The following NPL variants were observed in gnomAD, a reference collection of about 807,000 sequenced individuals.
The protein encoded by NPL is N-acetylneuraminate pyruvate lyase, also known as N-acetylneuraminate lyase.
Under a neutral mutation model 41.1 loss-of-function variants are expected in NPL, and 32 were observed. That is an observed-to-expected ratio of 0.78 (90% CI 0.59 to 1.05). The LOEUF is 1.05. Among genes scored for constraint, NPL ranks in the 50% least tolerant of loss-of-function variants. The probability of loss-of-function intolerance (pLI) is 0.00; values close to 1 mark genes in which losing one functional copy is unlikely to be tolerated. For synonymous variants in NPL, 128 were observed against 134.9 expected (o/e 0.95, Z 0.35); for missense variants, 321 against 378.4 (o/e 0.85, Z 1.26).
intron 7 of NPL, among the ~76,000 whole-genome samples, chr1:182,815,209 T>C (rs545897171): frequency 2.0e-5 from 3 of 151,946 alleles, no homozygotes; most frequent in African/African-American, 7.3e-5. Flanking sequence ...AGAATATAAG[T>C]GATGGGCATT....
intron 3 of NPL, among the ~76,000 whole-genome samples, chr1:182,795,490 G>T (rs891177386): frequency 1.3e-5 from 2 of 152,132 alleles, no homozygotes; most frequent in African/African-American, 4.8e-5. Context: ...ATTTATAAAC[G>T]TTCATCTTAC....
intron 3 of NPL, among the ~76,000 whole-genome samples, chr1:182,797,821 G>A (rs890701743): frequency 6.6e-6 from 1 of 152,170 alleles, no homozygotes; most frequent in Non-Finnish European, 1.5e-5. Flanking sequence ...CAGGCTTTGA[G>A]CTGCTTAGCC....
chr1:182,811,527 CCTATAATTGATTT>C (rs1265136447), intron 5 of NPL, among the ~76,000 whole-genome samples: 1 of 152,126 alleles, frequency 6.6e-6, no homozygotes, highest in Non-Finnish European at 1.5e-5. Context: ...CTGCACCTAA[CCTATAATTGATTT>C]TTAAATTTTG....
intron 11 of NPL, among the ~76,000 whole-genome samples, chr1:182,824,995 G>T (rs1250281483): frequency 6.6e-6 from 1 of 152,172 alleles, no homozygotes; most frequent in Non-Finnish European, 1.5e-5. Context: ...AAGGAATTTT[G>T]TTATAGCAGT....
chr1:182,794,394 T>A lies in NPL; in HGVS notation c.23T>A (p.Leu8His). 6.2e-7 allele frequency: 1 copy of A among 1,614,208 alleles called. No individual in the cohort carries two copies. Among genetic ancestry groups the A allele is most frequent in the South Asian group, 1.1e-5 (1 of 91,088 alleles). Reference sequence around the variant, plus strand: ...TCAATGGCCTTCCCAAAGAAGAAACTTCAGGGTCTTGTGGCTGCAACCATC... The same window carrying A: ...TCAATGGCCTTCCCAAAGAAGAAACATCAGGGTCTTGTGGCTGCAACCATC... MAFPKKK[L>H]QGLVAATITP... Residue 8 changes from leucine (L) to histidine (H), a missense_variant, in exon 3 of 13, where the codon CTT becomes CAT. By Grantham distance (99) the Leu-to-His change is moderately conservative. Coordinates refer to ENST00000367553, the MANE Select transcript of NPL (RefSeq NM_030769.3).
intron 4 of NPL, among the ~76,000 whole-genome samples, chr1:182,805,387 C>T (rs549273040): frequency 1.3e-5 from 2 of 152,194 alleles, no homozygotes; most frequent in African/African-American, 2.4e-5. Flanking sequence ...GCCAAGATGG[C>T]GCCACTGCCC....
chr1:182,803,318 A>G (rs1241817759), intron 3 of NPL, among the ~76,000 whole-genome samples: 3 of 152,354 alleles, frequency 2.0e-5, no homozygotes, highest in African/African-American at 7.2e-5. Context: ...TCATTTAACC[A>G]TGTCTGCAAC....
Position 182,808,442 on chromosome 1 carries a change from A to G in NPL, c.230+2210A>G, listed in dbSNP as rs184862751. Among the ~76,000 whole-genome samples, 202 of 152,314 alleles carry G rather than the reference A, an allele frequency of 1.3e-3. 1 individual carries two copies. Among genetic ancestry groups the G allele is most frequent in the Non-Finnish European group, 3.7e-4 (25 of 68,014 alleles). Reference sequence around the variant, plus strand: ...AGAGAAGCCAGACTGCAGTTGAGTTATAGAATGCAGCAGACATCTGCAAGT... The same window carrying G: ...AGAGAAGCCAGACTGCAGTTGAGTTGTAGAATGCAGCAGACATCTGCAAGT... On this transcript the variant is annotated intron_variant, in intron 5 of 12. Coordinates refer to ENST00000367553, the MANE Select transcript of NPL (RefSeq NM_030769.3).
intron 3 of NPL, among the ~76,000 whole-genome samples, chr1:182,796,166 C>CAAAAAAAAAA (rs11419574): frequency 1.9e-5 from 2 of 103,228 alleles, no homozygotes; most frequent in African/African-American, 7.2e-5. Flanking sequence ...GGTGTGAAAT[C>CAAAAAAAAAA]AAAAAAAAAA....
rs191891141 is a variant in NPL, at chr1:182,807,000, G to A, written c.230+768G>A. Among the ~76,000 whole-genome samples the A allele has an allele frequency of 1.0e-3, 152 of 152,094 alleles. 1 individual carries two copies. Among genetic ancestry groups the A allele is most frequent in the African/African-American group, 3.2e-3 (134 of 41,492 alleles). On this transcript the variant is annotated intron_variant, in intron 5 of 12. Transcript: ENST00000367553. ...ACTACAGGCGCATGTCACCACACCT[G>A]GCTAATTTTTTGTATTTTTAATAGA...
intron 3 of NPL, among the ~76,000 whole-genome samples, chr1:182,798,581 A>C (rs924089288): frequency 6.6e-6 from 1 of 152,190 alleles, no homozygotes; most frequent in African/African-American, 2.4e-5. Context: ...GGGCAGGCTC[A>C]CAGTCATTAG....
intron 11 of NPL, 106 bp downstream of exon 11, chr1:182,822,305 C>T: frequency 1.3e-6 from 1 of 773,514 alleles, no homozygotes. Context: ...ATTGCCCAGC[C>T]ACTTCTTTCT....
chr1:182,800,539 C>T (rs1277859688), intron 3 of NPL, among the ~76,000 whole-genome samples: 1 of 151,758 alleles, frequency 6.6e-6, no homozygotes, highest in Non-Finnish European at 1.5e-5. Context: ...TGGTAGCAGC[C>T]CTGGATGATT....
chr1:182,809,147 A>G (rs765488251), intron 5 of NPL: 1 of 393,552 alleles, frequency 2.5e-6, no homozygotes. Context: ...CCCTGTCATA[A>G]GTCAGGGAGT....
Position 182,828,671 on chromosome 1 carries a change from G to T in NPL, c.779-53G>T. ...TATGATCTCCTTCTTTGGGATTTTTGTGGAGAGATAGACGGTACCAGTCAT... is the reference window on the plus strand; with the variant it reads ...TATGATCTCCTTCTTTGGGATTTTTTTGGAGAGATAGACGGTACCAGTCAT... On this transcript the variant is annotated intron_variant, in intron 12 of 12. Transcript: ENST00000367553. The surrounding 1 kb of genome is among the most constrained non-coding windows in gnomAD (Gnocchi z 4.0). The T allele has an allele frequency of 6.2e-7, 1 of 1,612,446 alleles. No homozygotes were observed. Among genetic ancestry groups the T allele is most frequent in the African/African-American group, 1.3e-5 (1 of 75,016 alleles).
chr1:182,791,482 G>A (rs1314936292), intron 1 of NPL, among the ~76,000 whole-genome samples: 2 of 152,198 alleles, frequency 1.3e-5, no homozygotes, highest in Non-Finnish European at 2.9e-5. Context: ...ACAGGACAAA[G>A]ACAAGACCAG....
Position 182,829,680 on chromosome 1 carries a change from G to C in NPL, c.*772G>C. The C allele has an allele frequency of 1.3e-6, 2 of 1,514,264 alleles. No individual in the cohort carries two copies. Among genetic ancestry groups the C allele is most frequent in the East Asian group, 4.9e-5 (2 of 40,740 alleles). The allele number at this position is 1,514,264 out of a possible 1,614,324, so 93.8% of individuals were successfully genotyped here. On this transcript the variant is annotated 3_prime_UTR_variant, in exon 13 of 13. Transcript: ENST00000367553. ...CACAAACTTCCCCTTCCTCCACTGAGAAGACTGTCTCTCCCGCAGGACCCT... is the reference window on the plus strand; with the variant it reads ...CACAAACTTCCCCTTCCTCCACTGACAAGACTGTCTCTCCCGCAGGACCCT...
chr1:182,797,102 T>A (rs1042915487), intron 3 of NPL, among the ~76,000 whole-genome samples: 1 of 151,902 alleles, frequency 6.6e-6, no homozygotes, highest in Non-Finnish European at 1.5e-5. Context: ...TCTATGACCC[T>A]TTCCAACTCT....
intron 1 of NPL, among the ~76,000 whole-genome samples, chr1:182,790,350 G>A (rs1666466818): frequency 6.6e-6 from 1 of 152,176 alleles, no homozygotes; most frequent in Non-Finnish European, 1.5e-5. Flanking sequence ...TCTGTGGATG[G>A]AGGTATAAGA....
Sources: allele counts gnomAD v4.1 joint callset (sites outside exome capture counted in the v4.1 genomes callset), GRCh38; gene constraint gnomAD v4.1.1; non-coding constraint Gnocchi (gnomAD v3.1); transcripts MANE v1.5; gene names NCBI Gene and HGNC (gene_info 2026-07-23, HGNC 2026-07-21).